Variants in EOLA1 observed in about 807,000 individuals in gnomAD.
EOLA1 encodes the protein endothelium and lymphocyte associated ASCH domain 1.
A neutral mutation model predicts 4.5 loss-of-function variants in EOLA1; 1 was observed. That is an observed-to-expected ratio of 0.22 (90% CI 0.08 to 1.05). The LOEUF (loss-of-function observed/expected upper bound fraction) is 1.05, where lower values mean the gene tolerates loss of function less well. EOLA1 is among the 50% of genes least tolerant of loss of function. The pLI is 0.57. For missense variants in EOLA1, 69 were observed against 127.2 expected, an observed-to-expected ratio of 0.54 and a Z score of 2.20; for synonymous variants, 37 against 52.3, an observed-to-expected ratio of 0.71 and a Z score of 1.26.
chrX:149,541,388 G>C (rs1161438372), intron 1 of EOLA1, 45 bp downstream of exon 1: 1 of 113,681 alleles, frequency 8.8e-6, no homozygotes, highest in Non-Finnish European at 1.9e-5. Flanking sequence ...CTGGGAACTC[G>C]TGCGGGGCGC....
Position 149,541,035 on chromosome X carries a change from C to G in EOLA1, c.-538C>G, listed in dbSNP as rs1259652057. 8 of 112,861 alleles carry G rather than the reference C, an allele frequency of 7.1e-5. No individual in the cohort carries two copies. The highest frequency in any genetic ancestry group is 3.7e-4 in the Admixed American group (4 of 10,799). The allele number at this position is 112,861 out of a possible 1,213,427, so 9.3% of individuals were successfully genotyped here. A position where few individuals can be genotyped will look rare whatever the true frequency, so the allele number is the denominator to read the frequency against. Reference sequence around the variant, plus strand: ...GCGGAAGAGTTATAGACCGCTAACACCTGTCACTGGCCACTGGTTTCCCGG... The same window carrying G: ...GCGGAAGAGTTATAGACCGCTAACAGCTGTCACTGGCCACTGGTTTCCCGG... On this transcript the variant is annotated 5_prime_UTR_variant, in exon 1 of 5. Transcript: ENST00000393985.
intron 1 of EOLA1, chrX:149,541,709 A>T: frequency 1.5e-6 from 1 of 673,290 alleles, no homozygotes; most frequent in Non-Finnish European, 1.8e-6. Context: ...TGGGAGGGGA[A>T]GTGTCATTTT....
At position 149,547,474 on chromosome X, in the gene EOLA1, A is replaced by G. The variant is rs1557348209; in HGVS notation, c.*512A>G. ...CCGTTAATCAACCGACTCATCCAGG[A>G]TGAAGAGGACGTCAGACTTAGAGCA... is the stretch of plus-strand genomic sequence containing the variant. On this transcript the variant is annotated 3_prime_UTR_variant, in exon 5 of 5. Coordinates refer to ENST00000393985, the MANE Select transcript of EOLA1 (RefSeq NM_001171907.3). 2.4e-6 allele frequency: 1 copy of G among 419,909 alleles called. No individual in the cohort carries two copies. The highest frequency in any genetic ancestry group is 2.9e-5 in the African/African-American group (1 of 34,087). The allele number at this position is 419,909 out of a possible 1,213,427, so 34.6% of individuals were successfully genotyped here.
rs2089829286 is a variant in EOLA1, at chrX:149,545,705, G to A, written c.75G>A (p.Thr25=). 8 of 1,211,873 alleles carry A rather than the reference G, an allele frequency of 6.6e-6. No homozygotes were observed. The highest frequency in any genetic ancestry group is 1.8e-5 in the South Asian group (1 of 57,021). The change falls in exon 4 of 5, where the codon ACG becomes ACA. Residue 25 remains threonine, a synonymous_variant. Transcript: ENST00000393985. ...FVLNGIKTVE[T]RWRPLLSSQR... The stretch of plus-strand genomic sequence containing the variant: ...TAAATGGAATCAAGACTGTGGAGAC[G>A]CGCTGGCGTCCCCTGCTGAGCAGCC...
At chrX:149,541,725 C>T (rs1239801989) in intron 1 of EOLA1, 1 of 744,441 alleles carries the variant, frequency 1.3e-6, no homozygotes, top group African/African-American at 2.3e-5. Flanking sequence ...ATTTTTCTCC[C>T]TTCGAATGGA....
At chrX:149,542,387 G>A (rs2089746557) in intron 2 of EOLA1, among the ~76,000 whole-genome samples, 1 of 109,019 alleles carries the variant, frequency 9.2e-6, no homozygotes, top group Admixed American at 9.7e-5. Flanking sequence ...AGTGTGTGAG[G>A]AAATGGCACC....
chrX:149,547,031 C>G lies in EOLA1; in HGVS notation c.*69C>G. 1.7e-6 allele frequency: 2 copies of G among 1,200,956 alleles called. No homozygotes were observed. The highest frequency in any genetic ancestry group is 2.2e-6 in the Non-Finnish European group (2 of 889,607). On this transcript the variant is annotated 3_prime_UTR_variant, in exon 5 of 5. Transcript: ENST00000393985. ...AATCATGACACCTTCAATTTGCCAT[C>G]ATGACGCAGACCTGTATACATTAGG...
rs2089738838 is a variant in EOLA1, at chrX:149,542,007, C to G, written c.-229-12C>G. ...TTAATGACCTTTCCTCTTTATCTTC[C>G]TTGTTGTGCAGGTAAAGAAGCTAAG... On this transcript the variant is annotated splice_polypyrimidine_tract_variant and intron_variant, in intron 1 of 4. Coordinates refer to ENST00000393985, the MANE Select transcript of EOLA1 (RefSeq NM_001171907.3). 2.7e-6 allele frequency: 2 copies of G among 749,200 alleles called. No individual in the cohort carries two copies. Among genetic ancestry groups the G allele is most frequent in the African/African-American group, 2.3e-5 (1 of 43,860 alleles). The allele number at this position is 749,200 out of a possible 1,213,427, so 61.7% of individuals were successfully genotyped here.
In EOLA1 at chrX:149,544,745, G is replaced by A. The variant is rs1291449043; in HGVS notation, c.-162-623G>A. Reference sequence around the variant, plus strand: ...CAAGAGTTGTGGGAAGTCAGAGCCCGTGTGACTGTGGGCTGGTGCCTCATT... The same window carrying A: ...CAAGAGTTGTGGGAAGTCAGAGCCCATGTGACTGTGGGCTGGTGCCTCATT... On this transcript the variant is annotated intron_variant, in intron 2 of 4. Coordinates refer to ENST00000393985, the MANE Select transcript of EOLA1 (RefSeq NM_001171907.3). 96 of 749,367 alleles carry A rather than the reference G, an allele frequency of 1.3e-4. 3 individuals carry two copies. In the African/African-American group the frequency reaches 1.6e-3, roughly 13 times the overall value. 61.8% of individuals were successfully genotyped at this position (749,367 alleles called of 1,213,427 possible).
At chrX:149,544,527 G>T (rs1176301350) in intron 2 of EOLA1, 80 of 750,553 alleles carry the variant, frequency 1.1e-4, no homozygotes, top group Non-Finnish European at 1.2e-4. Flanking sequence ...TCTATTAGGT[G>T]CCACGTACTG....
In EOLA1 at chrX:149,544,707, G is replaced by A. The variant is rs782037430; in HGVS notation, c.-162-661G>A. 3.5e-5 allele frequency: 26 copies of A among 751,141 alleles called. No individual in the cohort carries two copies. The South Asian group carries it at 6.8e-4, about 20-fold the overall frequency. 61.9% of individuals were successfully genotyped at this position (751,141 alleles called of 1,213,427 possible). On this transcript the variant is annotated intron_variant, in intron 2 of 4. Transcript: ENST00000393985. ...GGGGACCCTCTCCCAAGCCAGACACGCAGGAGGCTGGGCAAGAGTTGTGGG... is the reference window on the plus strand; with the variant it reads ...GGGGACCCTCTCCCAAGCCAGACACACAGGAGGCTGGGCAAGAGTTGTGGG...
At chrX:149,545,326 A>G in intron 2 of EOLA1, 42 bp from the exon 3 acceptor site, 6 of 1,005,008 alleles carry the variant, frequency 6.0e-6, no homozygotes, top group African/African-American at 1.9e-5. Flanking sequence ...GACCTCTGTC[A>G]TAGCACTGAC....
At chrX:149,545,253 G>A (rs782221463) in intron 2 of EOLA1, 115 bp from the exon 3 acceptor site, 92 of 755,750 alleles carry the variant, frequency 1.2e-4, no homozygotes, top group African/African-American at 1.6e-4. Flanking sequence ...ACACCAGCCC[G>A]GACTCTCCAC....
downstream of EOLA1, among the ~76,000 whole-genome samples, chrX:149,549,097 C>G (rs1233462705): frequency 3.2e-4 from 36 of 111,533 alleles, no homozygotes; most frequent in Non-Finnish European, 6.0e-4. Context: ...ATATAAACAG[C>G]ATGGATTTTG....
downstream of EOLA1, among the ~76,000 whole-genome samples, chrX:149,550,922 TG>T (rs782664267): frequency 0.034 from 1,306 of 38,191 alleles, no homozygotes; most frequent in Middle Eastern, 0.06. Flanking sequence ...TGTGTTGCGG[TG>T]GGCAGGAGGA....
chrX:149,547,588 TC>T lies in EOLA1; in HGVS notation c.*628del. On this transcript the variant is annotated 3_prime_UTR_variant, in exon 5 of 5. Transcript: ENST00000393985. ...GTGTTACCTGCATCACACAGCTACT[TC>T]CTATCCTAGCAATACATCCAAAATA... 2 of 222,091 alleles carry T rather than the reference TC, an allele frequency of 9.0e-6. No individual in the cohort carries two copies. The highest frequency in any genetic ancestry group is 1.3e-5 in the Non-Finnish European group (2 of 159,704). The allele number at this position is 222,091 out of a possible 1,213,427, so 18.3% of individuals were successfully genotyped here. A position where few individuals can be genotyped will look rare whatever the true frequency, so the allele number is the denominator to read the frequency against.
At position 149,546,773 on chromosome X, in the gene EOLA1, C is replaced by G; in HGVS notation, c.288C>G (p.Pro96=). Residue 96 remains proline, a synonymous_variant, in exon 5 of 5, where the codon CCC becomes CCG. Coordinates refer to ENST00000393985, the MANE Select transcript of EOLA1 (RefSeq NM_001171907.3). ...LVDIGETLQC[P]EDLTPDEVVE... is the part of the protein sequence containing the mutation. The stretch of plus-strand genomic sequence containing the variant: ...ACATTGGGGAAACTTTGCAATGCCC[C>G]GAAGACTTAACTCCCGATGAGGTTG... 1.7e-6 allele frequency: 2 copies of G among 1,209,646 alleles called. No individual in the cohort carries two copies. Among genetic ancestry groups the G allele is most frequent in the Non-Finnish European group, 2.2e-6 (2 of 894,836 alleles).
chrX:149,548,486 C>T, downstream of EOLA1: 1 of 931,749 alleles, frequency 1.1e-6, no homozygotes, highest in Non-Finnish European at 1.3e-6. Context: ...AGACATTACA[C>T]TACCATTATC....
chrX:149,544,027 T>G (rs2089784285), intron 2 of EOLA1, among the ~76,000 whole-genome samples: 1 of 15,692 alleles, frequency 6.4e-5, no homozygotes, highest in Non-Finnish European at 1.3e-4. Context: ...GGCAGAAGGT[T>G]CAGAGAGGAA....
Sources: allele counts gnomAD v4.1 joint callset (sites outside exome capture counted in the v4.1 genomes callset), GRCh38; gene constraint gnomAD v4.1.1; transcripts MANE v1.5; gene names NCBI Gene and HGNC (gene_info 2026-07-23, HGNC 2026-07-21).